Variants in GRM3 observed in about 807,000 individuals in gnomAD.
The protein encoded by GRM3 is metabotropic glutamate receptor 3.
A neutral mutation model predicts 70.5 loss-of-function variants in GRM3; 26 were observed. The observed-to-expected ratio is 0.37, with a 90% CI of 0.27 to 0.51. The LOEUF (loss-of-function observed/expected upper bound fraction) is 0.51, where lower values mean the gene tolerates loss of function less well. Among genes scored for constraint, GRM3 ranks in the 20% least tolerant of loss-of-function variants. The pLI is 0.93. For synonymous variants in GRM3, 443 were observed against 434.9 expected (o/e 1.02, Z -0.23); for missense variants, 859 against 1,123.8 (o/e 0.76, Z 3.37).
At chr7:86,678,075 T>G in intron 1 of GRM3, among the ~76,000 whole-genome samples, 1 of 151,976 alleles carries the variant, frequency 6.6e-6, no homozygotes, top group East Asian at 1.9e-4. Context: ...AAGTAAAACT[T>G]AAGGATAGAA....
At chr7:86,739,024 C>A (rs1403364513) in intron 1 of GRM3, among the ~76,000 whole-genome samples, 1 of 152,216 alleles carries the variant, frequency 6.6e-6, no homozygotes, top group Non-Finnish European at 1.5e-5. Flanking sequence ...GTCACCCAGG[C>A]TGGAGTGCAG....
At chr7:86,691,526 A>G (rs911252221) in intron 1 of GRM3, among the ~76,000 whole-genome samples, 1 of 152,218 alleles carries the variant, frequency 6.6e-6, no homozygotes, top group African/African-American at 2.4e-5. Flanking sequence ...GCATATTAAA[A>G]TAAGTTTGTT....
intron 3 of GRM3, among the ~76,000 whole-genome samples, chr7:86,790,501 T>G (rs915216609): frequency 6.6e-6 from 1 of 152,172 alleles, no homozygotes; most frequent in African/African-American, 2.4e-5. Context: ...ATAGCCAGGA[T>G]GCCCTTTTAA....
At position 86,694,100 on chromosome 7, in the gene GRM3, T is replaced by C. The variant is rs376417129; in HGVS notation, c.-141+49228T>C. On this transcript the variant is annotated intron_variant, in intron 1 of 5. Coordinates refer to ENST00000361669, the MANE Select transcript of GRM3 (RefSeq NM_000840.3). ...ATGGACTGTGGAGGTGAGAGGTTAATTCTGTTTGGATTGACACCAGAATTA... is the reference window on the plus strand; with the variant it reads ...ATGGACTGTGGAGGTGAGAGGTTAACTCTGTTTGGATTGACACCAGAATTA... Among the ~76,000 whole-genome samples, 72 of 152,334 alleles carry C rather than the reference T, an allele frequency of 4.7e-4. No homozygotes were observed. The East Asian group carries it at 5.6e-3, about 12-fold the overall frequency.
At chr7:86,828,980 T>A (rs369871115) in intron 3 of GRM3, among the ~76,000 whole-genome samples, 2 of 152,236 alleles carry the variant, frequency 1.3e-5, no homozygotes, top group East Asian at 1.9e-4. Flanking sequence ...GTGGATTCTA[T>A]CTCATGAAAC....
chr7:86,816,509 A>G (rs1165845637), intron 3 of GRM3, among the ~76,000 whole-genome samples: 2 of 151,804 alleles, frequency 1.3e-5, no homozygotes, highest in African/African-American at 2.4e-5. Flanking sequence ...TATGTACTCA[A>G]TGTTTAGCTC....
chr7:86,739,768 G>C (rs1222120455), intron 1 of GRM3, among the ~76,000 whole-genome samples: 1 of 152,138 alleles, frequency 6.6e-6, no homozygotes, highest in Admixed American at 6.6e-5. Flanking sequence ...AAACTTAAAA[G>C]AAGTAAAATC....
chr7:86,748,626 A>G (rs920196426), intron 1 of GRM3, among the ~76,000 whole-genome samples: 6 of 152,092 alleles, frequency 3.9e-5, no homozygotes, highest in Non-Finnish European at 7.4e-5. Flanking sequence ...TTACTAAAAC[A>G]TTTTATAATC....
At chr7:86,826,490 G>A (rs1488185039) in intron 3 of GRM3, among the ~76,000 whole-genome samples, 2 of 152,170 alleles carry the variant, frequency 1.3e-5, no homozygotes, top group Non-Finnish European at 2.9e-5. Flanking sequence ...TTGGGGTAAG[G>A]TGGGAGGAAT....
chr7:86,763,982 AT>A (rs1422178792), intron 1 of GRM3, among the ~76,000 whole-genome samples: 1 of 152,098 alleles, frequency 6.6e-6, no homozygotes, highest in African/African-American at 2.4e-5. Flanking sequence ...AAGCGGTTAG[AT>A]TCTGCAGGGC....
chr7:86,734,890 T>G (rs1355113657), intron 1 of GRM3, among the ~76,000 whole-genome samples: 2 of 152,164 alleles, frequency 1.3e-5, no homozygotes, highest in African/African-American at 2.4e-5. Flanking sequence ...GCACCCCAAT[T>G]TTTTTCTACT....
chr7:86,802,047 A>G (rs1192251859), intron 3 of GRM3, among the ~76,000 whole-genome samples: 1 of 152,216 alleles, frequency 6.6e-6, no homozygotes. Context: ...AAGAAAAAAG[A>G]AAACTAGCAT....
Position 86,761,865 on chromosome 7 carries a change from T to C in GRM3, c.-140-3141T>C, listed in dbSNP as rs142760027. Among the ~76,000 whole-genome samples, 420 of 152,286 alleles carry C rather than the reference T, an allele frequency of 2.8e-3. 2 individuals are homozygous for C. The highest frequency in any genetic ancestry group is 9.6e-3 in the African/African-American group (401 of 41,576). ...TTTCAGCGTAATGCTGTGTTTCATTTGAAGTCTTTTTTGGCTAAGAGCCCT... is the reference window on the plus strand; with the variant it reads ...TTTCAGCGTAATGCTGTGTTTCATTCGAAGTCTTTTTTGGCTAAGAGCCCT... On this transcript the variant is annotated intron_variant, in intron 1 of 5. Coordinates refer to ENST00000361669, the MANE Select transcript of GRM3 (RefSeq NM_000840.3).
At chr7:86,773,211 C>T (rs1158276473) in intron 2 of GRM3, among the ~76,000 whole-genome samples, 1 of 151,764 alleles carries the variant, frequency 6.6e-6, no homozygotes, top group Non-Finnish European at 1.5e-5. Context: ...TACATGTGTA[C>T]CTAGTAATAT....
At chr7:86,794,642 A>G (rs1219438807) in intron 3 of GRM3, among the ~76,000 whole-genome samples, 1 of 152,206 alleles carries the variant, frequency 6.6e-6, no homozygotes, top group East Asian at 1.9e-4. Context: ...GCAGGGGTCC[A>G]CAATACTTCT....
chr7:86,794,292 C>T (rs1007656254), intron 3 of GRM3, among the ~76,000 whole-genome samples: 1 of 152,064 alleles, frequency 6.6e-6, no homozygotes, highest in Non-Finnish European at 1.5e-5. Flanking sequence ...AGCCAACATA[C>T]ATAAAGGAAC....
intron 3 of GRM3, among the ~76,000 whole-genome samples, chr7:86,799,138 G>A (rs1350683069): frequency 6.6e-6 from 1 of 152,110 alleles, no homozygotes; most frequent in African/African-American, 2.4e-5. Context: ...GTTCATTCAT[G>A]ATTTGGCTCT....
At chr7:86,672,610 T>G (rs73398435) in intron 1 of GRM3, among the ~76,000 whole-genome samples, 3,920 of 152,212 alleles carry the variant, frequency 0.026, 171 homozygotes, top group African/African-American at 0.088. Flanking sequence ...TTTTGTTTTT[T>G]TTTTCAGGAG....
At chr7:86,652,600 G>T (rs964347147) in intron 1 of GRM3, among the ~76,000 whole-genome samples, 2 of 152,140 alleles carry the variant, frequency 1.3e-5, no homozygotes, top group African/African-American at 4.8e-5. Context: ...AAGTGCTGGG[G>T]TTACAAGCAT....
Sources: allele counts gnomAD v4.1 joint callset (sites outside exome capture counted in the v4.1 genomes callset), GRCh38; gene constraint gnomAD v4.1.1; transcripts MANE v1.5; gene names NCBI Gene and HGNC (gene_info 2026-07-23, HGNC 2026-07-21).